Variants in PRKG1 observed in about 807,000 individuals in gnomAD.
PRKG1 encodes the protein cGMP-dependent protein kinase 1.
In PRKG1, 35 loss-of-function variants were observed where a neutral mutation model predicts 88.1. The ratio of observed to expected loss-of-function variants is 0.40; its 90% CI spans 0.30 to 0.53. The LOEUF (loss-of-function observed/expected upper bound fraction) is 0.53, where lower values mean the gene tolerates loss of function less well. Ranked by LOEUF, PRKG1 falls within the 20% of genes least tolerant of loss-of-function variation. The pLI, the probability that PRKG1 is intolerant of heterozygous loss-of-function variation, is 0.59. For synonymous variants in PRKG1, 303 were observed against 292.5 expected (o/e 1.04, Z -0.37); for missense variants, 540 against 839.8 (o/e 0.64, Z 4.41).
Position 52,186,959 on chromosome 10 carries a change from G to A in PRKG1, c.1076+24996G>A, listed in dbSNP as rs1839216819. On this transcript the variant is annotated intron_variant, in intron 9 of 17. Transcript: ENST00000373980. The stretch of plus-strand genomic sequence containing the variant: ...TGACAAGACTTTTAAGCTTCACAAT[G>A]GCAGGGTTTGCCAAAATCTGATTAA... Among the ~76,000 whole-genome samples, 7 of 152,074 alleles carry A rather than the reference G, an allele frequency of 4.6e-5. No homozygotes were observed. The South Asian group carries it at 1.5e-3, about 32-fold the overall frequency.
intron 4 of PRKG1, among the ~76,000 whole-genome samples, chr10:51,828,356 A>G (rs1839927055): frequency 1.3e-5 from 2 of 152,084 alleles, no homozygotes; most frequent in South Asian, 4.1e-4. Context: ...GGGCTTTTTG[A>G]CAAAGAAGCC....
chr10:51,387,143 C>A (rs1837272649), intron 2 of PRKG1, among the ~76,000 whole-genome samples: 2 of 151,848 alleles, frequency 1.3e-5, no homozygotes, highest in Admixed American at 1.3e-4. Flanking sequence ...GGCACAAGGT[C>A]CCATACAGAA....
intron 1 of PRKG1, among the ~76,000 whole-genome samples, chr10:51,067,629 C>T (rs969912224): frequency 6.6e-6 from 1 of 151,908 alleles, no homozygotes; most frequent in Non-Finnish European, 1.5e-5. Context: ...GTATTATAAT[C>T]TGGGGAAAAA....
At chr10:51,765,686 T>C (rs1400734986) in intron 3 of PRKG1, among the ~76,000 whole-genome samples, 2 of 152,182 alleles carry the variant, frequency 1.3e-5, no homozygotes, top group African/African-American at 2.4e-5. Context: ...CCTTCCTGTC[T>C]ACCTATTTTC....
At chr10:51,995,069 G>A (rs1844404392) in intron 5 of PRKG1, among the ~76,000 whole-genome samples, 1 of 143,588 alleles carries the variant, frequency 7.0e-6, no homozygotes, top group Non-Finnish European at 1.6e-5. Flanking sequence ...GATCCAGAGA[G>A]GTTAAATAAC....
chr10:51,074,363 C>A, upstream of PRKG1: 1 of 1,186,150 alleles, frequency 8.4e-7, no homozygotes, highest in Non-Finnish European at 1.1e-6. Context: ...GCTCTCCCCG[C>A]TCTGAGCCTC....
intron 1 of PRKG1, among the ~76,000 whole-genome samples, chr10:51,142,751 A>G (rs577169810): frequency 2.0e-5 from 3 of 152,230 alleles, no homozygotes; most frequent in South Asian, 2.1e-4. Flanking sequence ...GTCTGTGGCA[A>G]TAATACAATG....
At chr10:51,884,899 G>T (rs2132889241) in intron 4 of PRKG1, among the ~76,000 whole-genome samples, 1 of 152,218 alleles carries the variant, frequency 6.6e-6, no homozygotes, top group East Asian at 1.9e-4. Flanking sequence ...TAGGAGAAGT[G>T]GCAAAGTGTT....
intron 3 of PRKG1, among the ~76,000 whole-genome samples, chr10:51,597,262 A>G (rs1243738014): frequency 6.6e-6 from 1 of 152,006 alleles, no homozygotes; most frequent in East Asian, 1.9e-4. Flanking sequence ...CCTTTAATTC[A>G]TTGTTGGTAA....
At chr10:51,645,198 A>T (rs1167157245) in intron 3 of PRKG1, among the ~76,000 whole-genome samples, 3 of 152,170 alleles carry the variant, frequency 2.0e-5, no homozygotes, top group Non-Finnish European at 4.4e-5. Context: ...TATGTTATTT[A>T]CAAATTAAAT....
chr10:51,965,172 C>G (rs575848718), intron 5 of PRKG1, among the ~76,000 whole-genome samples: 4 of 152,108 alleles, frequency 2.6e-5, no homozygotes, highest in Non-Finnish European at 5.9e-5. Flanking sequence ...CAGATTATTT[C>G]ATCAATGAGG....
intron 1 of PRKG1, among the ~76,000 whole-genome samples, chr10:51,050,564 A>G (rs1018262125): frequency 5.3e-5 from 8 of 152,102 alleles, no homozygotes; most frequent in Non-Finnish European, 2.9e-5. Context: ...TCATCCATCT[A>G]TGGATATTAG....
At chr10:52,233,312 G>T (rs1840574575) in intron 9 of PRKG1, among the ~76,000 whole-genome samples, 1 of 152,148 alleles carries the variant, frequency 6.6e-6, no homozygotes, top group Admixed American at 6.5e-5. Flanking sequence ...CTGTTAAATG[G>T]CATAAAGAAT....
At chr10:51,573,054 G>A (rs1837797664) in intron 3 of PRKG1, among the ~76,000 whole-genome samples, 1 of 151,786 alleles carries the variant, frequency 6.6e-6, no homozygotes, top group Non-Finnish European at 1.5e-5. Flanking sequence ...CACAGAAACT[G>A]ATTAAACTAC....
intron 3 of PRKG1, among the ~76,000 whole-genome samples, chr10:51,501,881 T>A (rs1298453398): frequency 2.6e-5 from 4 of 151,758 alleles, no homozygotes; most frequent in Admixed American, 2.6e-4. Flanking sequence ...GATGTTCTTT[T>A]ACTGTACAGC....
chr10:51,396,974 A>G (rs993592963), intron 2 of PRKG1, among the ~76,000 whole-genome samples: 9 of 152,210 alleles, frequency 5.9e-5, no homozygotes, highest in Non-Finnish European at 8.8e-5. Context: ...GAAAATATCA[A>G]TATTTTAATT....
intron 1 of PRKG1, among the ~76,000 whole-genome samples, chr10:51,051,203 G>A (rs1256075720): frequency 6.6e-6 from 1 of 152,010 alleles, no homozygotes; most frequent in Non-Finnish European, 1.5e-5. Context: ...TGTTGCCTGT[G>A]CTTTTAATAT....
intron 1 of PRKG1, among the ~76,000 whole-genome samples, chr10:51,142,000 A>G (rs1845831916): frequency 6.6e-6 from 1 of 152,030 alleles, no homozygotes; most frequent in African/African-American, 2.4e-5. Context: ...CTTCCTTTTT[A>G]TTTGAAATTC....
At chr10:51,336,889 C>T (rs4935015) in intron 2 of PRKG1, among the ~76,000 whole-genome samples, 6 of 152,192 alleles carry the variant, frequency 3.9e-5, no homozygotes, top group Admixed American at 6.5e-5. Context: ...TGACATTCTT[C>T]GAAGAATTAG....
Sources: gnomAD v4.1 joint callset for allele counts (sites outside exome capture counted in the v4.1 genomes callset) on GRCh38, gnomAD v4.1.1 for gene constraint, MANE v1.5 for transcripts, NCBI Gene and HGNC (gene_info 2026-07-23, HGNC 2026-07-21) for gene names.